Variants in KIF13A observed in about 807,000 individuals in gnomAD.
KIF13A encodes the protein kinesin family member 13A.
A neutral mutation model predicts 212.2 loss-of-function variants in KIF13A; 79 were observed. The observed-to-expected ratio is 0.37, with a 90% CI of 0.31 to 0.45. The LOEUF is 0.45. Among genes scored for constraint, KIF13A ranks in the 20% least tolerant of loss-of-function variants. The probability of loss-of-function intolerance (pLI) is 1.00; values close to 1 mark genes in which losing one functional copy is unlikely to be tolerated. For synonymous variants in KIF13A, 789 were observed against 808.6 expected, an observed-to-expected ratio of 0.98 and a Z score of 0.41; for missense variants, 1,901 against 2,209.0, an observed-to-expected ratio of 0.86 and a Z score of 2.79.
chr6:17,898,142 A>T lies in KIF13A; in HGVS notation c.159+26T>A, dbSNP rs1285106105. The T allele has an allele frequency of 6.2e-7, 1 of 1,611,530 alleles. No homozygotes were observed. Among genetic ancestry groups the T allele is most frequent in the Non-Finnish European group, 8.5e-7 (1 of 1,178,188 alleles). ...ATTTTTGCACACTAAGCCAGTATACATGCCAAATTTCATATTAGTGCTTAC... is the reference window on the plus strand; with the variant it reads ...ATTTTTGCACACTAAGCCAGTATACTTGCCAAATTTCATATTAGTGCTTAC... On this transcript the variant is annotated intron_variant, in intron 3 of 38. Coordinates refer to ENST00000259711, the MANE Select transcript of KIF13A (RefSeq NM_022113.6). The surrounding 1 kb of genome is among the most constrained non-coding windows in gnomAD (Gnocchi z 5.2).
At position 17,783,808 on chromosome 6, in the gene KIF13A, GCAGTTT is replaced by G. The variant is rs1760813538; in HGVS notation, c.3489-113_3489-108del. ...AAGCAAAGAGAACCATGGTGGAGAT[GCAGTTT>G]CCACTAATGAAATACTTTCATATTT... is the stretch of plus-strand genomic sequence containing the variant. On this transcript the variant is annotated intron_variant, in intron 28 of 38. Coordinates refer to ENST00000259711, the MANE Select transcript of KIF13A (RefSeq NM_022113.6). This position sits in a 1 kb window ranked among gnomAD's most constrained non-coding sequence, Gnocchi z 4.3. The G allele has an allele frequency of 1.3e-6, 1 of 741,662 alleles. No homozygotes were observed. The highest frequency in any genetic ancestry group is 2.4e-6 in the Non-Finnish European group (1 of 420,958). The allele number at this position is 741,662 out of a possible 1,614,324, so 45.9% of individuals were successfully genotyped here. A position where few individuals can be genotyped will look rare whatever the true frequency, so the allele number is the denominator to read the frequency against.
In KIF13A at chr6:17,802,541, C is replaced by T. The variant is rs576631395; in HGVS notation, c.2454+1820G>A. Among the ~76,000 whole-genome samples the T allele has an allele frequency of 1.7e-3, 253 of 152,122 alleles. 2 individuals carry two copies. Among genetic ancestry groups the T allele is most frequent in the African/African-American group, 1.6e-3 (67 of 41,526 alleles). On this transcript the variant is annotated intron_variant, in intron 20 of 38. Coordinates refer to ENST00000259711, the MANE Select transcript of KIF13A (RefSeq NM_022113.6). ...CGGACCTCAGGTGATCTGCCTGCCT[C>T]GGCCTCCCAAAGTGCTGGGATTACA...
chr6:17,788,166 G>C (rs571055606), intron 26 of KIF13A, among the ~76,000 whole-genome samples: 1 of 152,058 alleles, frequency 6.6e-6, no homozygotes, highest in East Asian at 1.9e-4. Flanking sequence ...TTTACAATGA[G>C]TGTATGTATA....
chr6:17,856,592 T>C lies in KIF13A; in HGVS notation c.221-470A>G, dbSNP rs1160983030. ...AAAACCGTTAGTTGCTGAGGATGGATTGACAACTTCAGCTGCTGTTTGTAG... is the reference window on the plus strand; with the variant it reads ...AAAACCGTTAGTTGCTGAGGATGGACTGACAACTTCAGCTGCTGTTTGTAG... On this transcript the variant is annotated intron_variant, in intron 4 of 38. Transcript: ENST00000259711. This position sits in a 1 kb window ranked among gnomAD's most constrained non-coding sequence, Gnocchi z 4.5. Among the ~76,000 whole-genome samples, 2 of 152,240 alleles carry C rather than the reference T, an allele frequency of 1.3e-5. No individual in the cohort carries two copies. Among genetic ancestry groups the C allele is most frequent in the African/African-American group, 4.8e-5 (2 of 41,464 alleles).
At chr6:17,807,015 C>T (rs1440205498) in intron 18 of KIF13A, among the ~76,000 whole-genome samples, 1 of 152,194 alleles carries the variant, frequency 6.6e-6, no homozygotes, top group Non-Finnish European at 1.5e-5. Flanking sequence ...TTTCTTATGC[C>T]TGTCTTTACT....
intron 2 of KIF13A, among the ~76,000 whole-genome samples, chr6:17,922,487 T>A (rs997291842): frequency 6.6e-6 from 1 of 151,774 alleles, no homozygotes; most frequent in Non-Finnish European, 1.5e-5. Flanking sequence ...AAAAAAATAA[T>A]GTTGAAAGAA....
At chr6:17,976,414 G>A (rs1242303428) in intron 2 of KIF13A, among the ~76,000 whole-genome samples, 3 of 152,232 alleles carry the variant, frequency 2.0e-5, no homozygotes, top group Non-Finnish European at 4.4e-5. Context: ...TACACCCTCC[G>A]CAGCCGCTGG....
chr6:17,985,569 C>A, intron 2 of KIF13A, among the ~76,000 whole-genome samples: 1 of 143,584 alleles, frequency 7.0e-6, no homozygotes, highest in Non-Finnish European at 1.5e-5. Flanking sequence ...TCTACCTGTT[C>A]CCCCAGACTG....
At chr6:17,862,984 A>C (rs770064646) in intron 4 of KIF13A, among the ~76,000 whole-genome samples, 2 of 151,916 alleles carry the variant, frequency 1.3e-5, no homozygotes, top group African/African-American at 2.4e-5. Flanking sequence ...AAAAAAACAA[A>C]ATTAGCCAGG....
rs1030000864 is a variant in KIF13A, at chr6:17,915,560, T to C, written c.147-17380A>G. On this transcript the variant is annotated intron_variant, in intron 2 of 38. Coordinates refer to ENST00000259711, the MANE Select transcript of KIF13A (RefSeq NM_022113.6). This position sits in a 1 kb window ranked among gnomAD's most constrained non-coding sequence, Gnocchi z 4.4. ...GTGCAGGACCTGCCACCTTGAGGAC[T>C]CTGGGAGCAAGAGACCCCCTGACTC... Among the ~76,000 whole-genome samples the C allele has an allele frequency of 3.3e-5, 5 of 152,186 alleles. No homozygotes were observed. Among genetic ancestry groups the C allele is most frequent in the Admixed American group, 6.5e-5 (1 of 15,274 alleles).
At chr6:17,923,595 T>TA (rs1775263340) in intron 2 of KIF13A, among the ~76,000 whole-genome samples, 1 of 151,918 alleles carries the variant, frequency 6.6e-6, no homozygotes, top group South Asian at 2.1e-4. Flanking sequence ...AGATAATATA[T>TA]GGTTATTGGG....
chr6:17,762,943 T>C (rs1390066148), downstream of KIF13A, among the ~76,000 whole-genome samples: 2 of 152,162 alleles, frequency 1.3e-5, no homozygotes, highest in African/African-American at 4.8e-5. Context: ...AACAAAGGGA[T>C]AGAGTAGCAG....
rs375397018 is a variant in KIF13A at position 17,794,145 on chromosome 6, T to A, written c.3222+104A>T. Reference sequence around the variant, plus strand: ...GATGGAAATGTGAACTGGGGGAAGATCTACGGTTAAGGCAAAGAGTTCTGT... The same window carrying A: ...GATGGAAATGTGAACTGGGGGAAGAACTACGGTTAAGGCAAAGAGTTCTGT... On this transcript the variant is annotated intron_variant, in intron 25 of 38. Transcript: ENST00000259711. This position sits in a 1 kb window ranked among gnomAD's most constrained non-coding sequence, Gnocchi z 4.1. The A allele has an allele frequency of 1.2e-6, 1 of 843,210 alleles. No individual in the cohort carries two copies. The allele number at this position is 843,210 out of a possible 1,614,324, so 52.2% of individuals were successfully genotyped here. A position where few individuals can be genotyped will look rare whatever the true frequency, so the allele number is the denominator to read the frequency against.
rs746982399 is a variant in KIF13A at position 17,794,277 on chromosome 6, T to A, written c.3194A>T (p.Lys1065Ile). Residue 1065 changes from lysine to isoleucine, a missense_variant, in exon 25 of 39, where the codon AAA (lysine) becomes ATA (isoleucine). This residue lies in a region of KIF13A where 168 missense variants were observed against 250.9 expected (regional missense o/e 0.67). Transcript: ENST00000259711. The surrounding 1 kb of genome is among the most constrained non-coding windows in gnomAD (Gnocchi z 4.1). ...SIGCVTARSTKLQRGLDSYQR... is the reference protein window; with the variant it reads ...SIGCVTARSTILQRGLDSYQR... ...GTAACTGTCCAGCCCTCTTTGGAGTTTGGTGGACCTGGCAGTTACACAGCC... is the reference window on the plus strand; with the variant it reads ...GTAACTGTCCAGCCCTCTTTGGAGTATGGTGGACCTGGCAGTTACACAGCC... The A allele has an allele frequency of 3.3e-5, 53 of 1,613,468 alleles. No homozygotes were observed. In the South Asian group the frequency reaches 5.8e-4, roughly 18 times the overall value.
chr6:17,828,206 C>G lies in KIF13A; in HGVS notation c.1532+34G>C, dbSNP rs773304129. ...CTTCTCCTTCTGAAAATAAGGCACACAAGACACGTGAAGTCACCATTTACT... is the reference window on the plus strand; with the variant it reads ...CTTCTCCTTCTGAAAATAAGGCACAGAAGACACGTGAAGTCACCATTTACT... On this transcript the variant is annotated intron_variant, in intron 14 of 38. Coordinates refer to ENST00000259711, the MANE Select transcript of KIF13A (RefSeq NM_022113.6). This position sits in a 1 kb window ranked among gnomAD's most constrained non-coding sequence, Gnocchi z 4.3. 1.4e-5 allele frequency: 23 copies of G among 1,597,316 alleles called. No individual in the cohort carries two copies. Among genetic ancestry groups the G allele is most frequent in the South Asian group, 3.4e-5 (3 of 88,406 alleles).
At chr6:17,831,525 T>C (rs1005179519) in intron 12 of KIF13A, among the ~76,000 whole-genome samples, 1 of 149,414 alleles carries the variant, frequency 6.7e-6, no homozygotes, top group Non-Finnish European at 1.5e-5. Flanking sequence ...TGTTGTGCTA[T>C]TGAAGGGTAC....
chr6:17,913,726 G>C (rs764256609), intron 2 of KIF13A, among the ~76,000 whole-genome samples: 23 of 152,152 alleles, frequency 1.5e-4, no homozygotes, highest in African/African-American at 5.5e-4. Flanking sequence ...ATCCACCGAG[G>C]GGGGATTGAC....
Position 17,872,925 on chromosome 6 carries a change from CATGCCCGGACGAAAAA to C in KIF13A, c.220+436_220+451del, listed in dbSNP as rs931016046. On this transcript the variant is annotated intron_variant, in intron 4 of 38. Transcript: ENST00000259711. This position sits in a 1 kb window ranked among gnomAD's most constrained non-coding sequence, Gnocchi z 4.7. ...TGCTGGGATTACAGATGTGAGCCAC[CATGCCCGGACGAAAAA>C]TAAATTTTTAAAAAGATGAAATATC... 3.3e-5 allele frequency among the ~76,000 whole-genome samples: 5 copies of C among 152,130 alleles called. No individual in the cohort carries two copies. Among genetic ancestry groups the C allele is most frequent in the Non-Finnish European group, 7.3e-5 (5 of 68,034 alleles).
In KIF13A at chr6:17,856,110, A is replaced by G; in HGVS notation, c.233T>C (p.Val78Ala). ...NTTKYAGQEVVFKCLGEGILE... is the reference protein window; with the variant it reads ...NTTKYAGQEVAFKCLGEGILE... Reference sequence around the variant, plus strand: ...AATTCCTTCCCCAAGGCACTTGAAAACCACTTCTTGACCTAAAAAACAAGA... The same window carrying G: ...AATTCCTTCCCCAAGGCACTTGAAAGCCACTTCTTGACCTAAAAAACAAGA... The change falls in exon 5 of 39, where the codon GTT becomes GCT. Residue 78 changes from valine (V) to alanine (A), a missense_variant. Val to Ala is a moderately conservative substitution (Grantham distance 64). This residue lies in a region of KIF13A where 506 missense variants were observed against 637.4 expected (regional missense o/e 0.79). Transcript: ENST00000259711. This position sits in a 1 kb window ranked among gnomAD's most constrained non-coding sequence, Gnocchi z 4.5. 6.2e-7 allele frequency: 1 copy of G among 1,611,850 alleles called. No individual in the cohort carries two copies. The highest frequency in any genetic ancestry group is 1.7e-4 in the Middle Eastern group (1 of 6,056).
Sources: gnomAD v4.1 joint callset for allele counts (sites outside exome capture counted in the v4.1 genomes callset) on GRCh38, gnomAD v4.1.1 for gene constraint, gnomAD v4.1.1 regional missense constraint, Gnocchi (gnomAD v3.1) non-coding constraint, MANE v1.5 for transcripts, NCBI Gene and HGNC (gene_info 2026-07-23, HGNC 2026-07-21) for gene names.